MAGI2: variants seen among roughly 807,000 people sequenced by gnomAD.
MAGI2 encodes the protein membrane-associated guanylate kinase, WW and PDZ domain-containing protein 2.
A neutral mutation model predicts 133.3 loss-of-function variants in MAGI2; 35 were observed. That is an observed-to-expected ratio of 0.26 (90% CI 0.20 to 0.35). The LOEUF is 0.35. MAGI2 is among the 10% of genes least tolerant of loss of function. The pLI is 1.00. For missense variants in MAGI2, 1,636 were observed against 1,863.4 expected (o/e 0.88, Z 2.25); for synonymous variants, 729 against 710.6 (o/e 1.03, Z -0.41).
At chr7:78,432,579 A>AAAATACATATTCT (rs1799903751) in intron 6 of MAGI2, among the ~76,000 whole-genome samples, 1 of 152,106 alleles carries the variant, frequency 6.6e-6, no homozygotes, top group African/African-American at 2.4e-5. Flanking sequence ...AGAACATATT[A>AAAATACATATTCT]GTATTTTGTA....
intron 2 of MAGI2, among the ~76,000 whole-genome samples, chr7:78,679,649 A>C (rs1399460749): frequency 6.6e-6 from 1 of 152,210 alleles, no homozygotes; most frequent in African/African-American, 2.4e-5. Flanking sequence ...CAGGCAAATG[A>C]CTTCCAAAGA....
At chr7:78,044,096 C>T (rs1219531641) in intron 21 of MAGI2, among the ~76,000 whole-genome samples, 1 of 152,136 alleles carries the variant, frequency 6.6e-6, no homozygotes, top group African/African-American at 2.4e-5. Flanking sequence ...ATGAGGAGGA[C>T]ATCATTATTC....
At chr7:78,641,586 A>G (rs1321874227) in intron 2 of MAGI2, among the ~76,000 whole-genome samples, 1 of 152,212 alleles carries the variant, frequency 6.6e-6, no homozygotes, top group Non-Finnish European at 1.5e-5. Context: ...TTGTAAATCA[A>G]CAAGATGCAA....
intron 1 of MAGI2, among the ~76,000 whole-genome samples, chr7:79,156,542 T>C (rs1158488186): frequency 6.6e-6 from 1 of 152,150 alleles, no homozygotes; most frequent in East Asian, 1.9e-4. Flanking sequence ...ATCCCAGGTC[T>C]TTAGACAAAC....
chr7:78,155,644 ACAAAC>A (rs938874316), intron 16 of MAGI2, among the ~76,000 whole-genome samples: 18 of 152,070 alleles, frequency 1.2e-4, no homozygotes, highest in African/African-American at 3.1e-4. Context: ...AAACAACAAA[ACAAAC>A]AAACAAGCAA....
At chr7:78,805,308 G>C (rs1445247365) in intron 2 of MAGI2, among the ~76,000 whole-genome samples, 1 of 149,838 alleles carries the variant, frequency 6.7e-6, no homozygotes, top group Non-Finnish European at 1.5e-5. Flanking sequence ...ATGGAACATA[G>C]GACTAATATT....
chr7:79,227,478 A>G (rs1830959064), intron 1 of MAGI2, among the ~76,000 whole-genome samples: 1 of 152,224 alleles, frequency 6.6e-6, no homozygotes, highest in Non-Finnish European at 1.5e-5. Flanking sequence ...AATTTGCTAT[A>G]TAGTTAACAG....
At chr7:78,137,203 C>T (rs987493) in intron 16 of MAGI2, among the ~76,000 whole-genome samples, 132,363 of 152,284 alleles carry the variant, frequency 0.87, 57,724 homozygotes, top group African/African-American at 0.91. Context: ...AACAGTGTCT[C>T]GGAATGAATG....
chr7:79,248,331 A>G (rs1373153135), intron 1 of MAGI2, among the ~76,000 whole-genome samples: 1 of 152,194 alleles, frequency 6.6e-6, no homozygotes, highest in Non-Finnish European at 1.5e-5. Flanking sequence ...TAATAAATAT[A>G]TATATTCAAT....
At chr7:79,135,003 T>A (rs1018919483) in intron 1 of MAGI2, among the ~76,000 whole-genome samples, 2 of 152,182 alleles carry the variant, frequency 1.3e-5, no homozygotes, top group African/African-American at 2.4e-5. Context: ...TGGGTAAGAA[T>A]AGATGACAAA....
At chr7:79,281,823 T>G (rs1354251145) in intron 1 of MAGI2, among the ~76,000 whole-genome samples, 1 of 152,160 alleles carries the variant, frequency 6.6e-6, no homozygotes, top group African/African-American at 2.4e-5. Context: ...ACTTCTTCAC[T>G]CTATAATATG....
intron 21 of MAGI2, among the ~76,000 whole-genome samples, chr7:78,025,338 G>A (rs921202245): frequency 4.6e-5 from 7 of 151,952 alleles, no homozygotes; most frequent in African/African-American, 1.5e-4. Flanking sequence ...GCAGCTTCTC[G>A]ATTTTATTTC....
chr7:79,451,245 T>C (rs1327296848), intron 1 of MAGI2, among the ~76,000 whole-genome samples: 1 of 152,348 alleles, frequency 6.6e-6, no homozygotes, highest in Non-Finnish European at 1.5e-5. Flanking sequence ...TTAAGTCCAA[T>C]TTAACAACGC....
chr7:78,218,332 A>G (rs184257411), intron 10 of MAGI2, among the ~76,000 whole-genome samples: 10 of 152,370 alleles, frequency 6.6e-5, no homozygotes, highest in Admixed American at 3.3e-4. Context: ...GACAATCACT[A>G]GAAGTGATGT....
At chr7:79,134,437 T>C (rs1821197732) in intron 1 of MAGI2, among the ~76,000 whole-genome samples, 1 of 152,166 alleles carries the variant, frequency 6.6e-6, no homozygotes, top group Admixed American at 6.6e-5. Flanking sequence ...GATGGTGTGG[T>C]TGTTGCTTGC....
intron 1 of MAGI2, among the ~76,000 whole-genome samples, chr7:79,367,875 A>ATATATATATATATATGTGTG (rs1342246318): frequency 8.2e-6 from 1 of 122,084 alleles, no homozygotes; most frequent in African/African-American, 3.5e-5. Flanking sequence ...ATATATATAT[A>ATATATATATATATATGTGTG]TGTCATTGAC....
At chr7:78,258,500 C>G (rs569561333) in intron 9 of MAGI2, among the ~76,000 whole-genome samples, 1 of 152,240 alleles carries the variant, frequency 6.6e-6, no homozygotes, top group Non-Finnish European at 1.5e-5. Context: ...CACCTCTCCC[C>G]CAACTTGCAC....
At chr7:78,292,555 A>C (rs1422095431) in intron 9 of MAGI2, among the ~76,000 whole-genome samples, 1 of 152,216 alleles carries the variant, frequency 6.6e-6, no homozygotes, top group Non-Finnish European at 1.5e-5. Context: ...GCTACCAATG[A>C]CTTTCTTCAC....
chr7:78,567,437 A>G (rs1381131358), intron 3 of MAGI2, among the ~76,000 whole-genome samples: 2 of 151,906 alleles, frequency 1.3e-5, no homozygotes, highest in Admixed American at 1.3e-4. Context: ...ATGCATGACA[A>G]ATGAGTGACT....
Sources: gnomAD v4.1 joint callset for allele counts (sites outside exome capture counted in the v4.1 genomes callset) on GRCh38, gnomAD v4.1.1 for gene constraint, MANE v1.5 for transcripts, NCBI Gene and HGNC (gene_info 2026-07-23, HGNC 2026-07-21) for gene names.